TBCK: variants seen among roughly 807,000 people sequenced by gnomAD.
The protein encoded by TBCK is TBC1 domain containing kinase, also known as TBC domain-containing protein kinase-like protein.
Under a neutral mutation model 113.4 loss-of-function variants are expected in TBCK, and 99 were observed. That is an observed-to-expected ratio of 0.87 (90% CI 0.74 to 1.03). The LOEUF (loss-of-function observed/expected upper bound fraction) is 1.03. TBCK is among the 50% of genes least tolerant of loss of function. The pLI, the probability that TBCK is intolerant of heterozygous loss-of-function variation, is 0.00. For missense variants in TBCK, 1,045 were observed against 1,061.3 expected (o/e 0.98, Z 0.21); for synonymous variants, 369 against 370.8 (o/e 1.00, Z 0.05).
In TBCK at chr4:106,070,451, TTGTG is replaced by T. The variant is rs373470813; in HGVS notation, c.2572-23775_2572-23772del. On this transcript the variant is annotated intron_variant, in intron 25 of 25. Coordinates refer to ENST00000394708, the MANE Select transcript of TBCK (RefSeq NM_001163435.3). The stretch of plus-strand genomic sequence containing the variant: ...TATGTGATGGATTACGTTTATTGAT[TTGTG>T]TATGTTGAGCCAGCCTTCCATTGCA... 3.1e-4 allele frequency among the ~76,000 whole-genome samples: 47 copies of T among 152,282 alleles called. No individual in the cohort carries two copies. The East Asian group carries it at 6.9e-3, about 22-fold the overall frequency.
intron 12 of TBCK, among the ~76,000 whole-genome samples, chr4:106,237,905 T>C (rs1249596619): frequency 6.6e-6 from 1 of 152,102 alleles, no homozygotes; most frequent in African/African-American, 2.4e-5. Flanking sequence ...ATCTTGTCTG[T>C]CTTTTCTAAA....
chr4:106,138,611 T>G (rs542906125), intron 23 of TBCK, among the ~76,000 whole-genome samples: 3 of 141,624 alleles, frequency 2.1e-5, no homozygotes, highest in East Asian at 4.0e-4. Context: ...AGAACTCTAG[T>G]GTCACTGACT....
chr4:106,156,386 C>T (rs1749125205), intron 23 of TBCK, among the ~76,000 whole-genome samples: 1 of 152,196 alleles, frequency 6.6e-6, no homozygotes, highest in Non-Finnish European at 1.5e-5. Context: ...ATGGCTACTG[C>T]CTGTGTTCAC....
At chr4:106,305,187 T>C (rs1426716245) in intron 2 of TBCK, among the ~76,000 whole-genome samples, 3 of 152,328 alleles carry the variant, frequency 2.0e-5, no homozygotes, top group Admixed American at 6.5e-5. Flanking sequence ...TTTTCTTTCA[T>C]GTACTATATA....
rs1356480126 is a variant in TBCK, at chr4:106,194,704, G to A, written c.1897+14C>T. The stretch of plus-strand genomic sequence containing the variant: ...TAATACAATATCAAAAAAACCGGGG[G>A]AAGTCATACTTACGAGTAAACATGG... On this transcript the variant is annotated intron_variant, in intron 21 of 25. Transcript: ENST00000394708. The A allele has an allele frequency of 3.8e-6, 6 of 1,590,978 alleles. No individual in the cohort carries two copies. The East Asian group carries it at 1.4e-4, about 37-fold the overall frequency.
intron 3 of TBCK, among the ~76,000 whole-genome samples, chr4:106,286,997 TAAA>T (rs1468116768): frequency 2.0e-5 from 3 of 152,084 alleles, no homozygotes; most frequent in Non-Finnish European, 4.4e-5. Context: ...CTTTACCAAG[TAAA>T]AGAAGGACCA....
chr4:106,300,554 T>C (rs1560991154), intron 2 of TBCK, among the ~76,000 whole-genome samples: 2 of 152,302 alleles, frequency 1.3e-5, no homozygotes, highest in African/African-American at 4.8e-5. Context: ...TCAATAAGTG[T>C]TTATACAGTT....
At chr4:106,050,579 C>T (rs1734696608) in intron 25 of TBCK, among the ~76,000 whole-genome samples, 1 of 151,954 alleles carries the variant, frequency 6.6e-6, no homozygotes, top group Non-Finnish European at 1.5e-5. Flanking sequence ...AAGCAATATG[C>T]CTCTAAACAT....
At chr4:106,160,910 T>G (rs1201135150) in intron 23 of TBCK, among the ~76,000 whole-genome samples, 1 of 151,896 alleles carries the variant, frequency 6.6e-6, no homozygotes, top group Non-Finnish European at 1.5e-5. Context: ...GTGGTATATA[T>G]ACAAAATAGG....
intron 25 of TBCK, among the ~76,000 whole-genome samples, chr4:106,048,154 A>G (rs1018471597): frequency 2.6e-5 from 4 of 152,132 alleles, no homozygotes; most frequent in African/African-American, 9.7e-5. Flanking sequence ...AGATGATTCT[A>G]AAGCAGGTGG....
chr4:106,276,674 C>A (rs2037960155), intron 3 of TBCK, among the ~76,000 whole-genome samples: 2 of 152,248 alleles, frequency 1.3e-5, no homozygotes, highest in South Asian at 4.1e-4. Context: ...GGGTTGATCA[C>A]CTGAGGTCAA....
intron 24 of TBCK, among the ~76,000 whole-genome samples, chr4:106,102,082 C>T (rs1008928650): frequency 2.6e-5 from 4 of 152,242 alleles, no homozygotes; most frequent in Admixed American, 6.5e-5. Flanking sequence ...AACAAAAAAA[C>T]GTGATTTCAA....
intron 25 of TBCK, among the ~76,000 whole-genome samples, chr4:106,092,562 G>C (rs1009770423): frequency 2.0e-5 from 3 of 152,242 alleles, no homozygotes; most frequent in Non-Finnish European, 4.4e-5. Context: ...AGGCAGCTAA[G>C]GCCCGGTGAG....
intron 25 of TBCK, among the ~76,000 whole-genome samples, chr4:106,079,724 T>A (rs1382155444): frequency 6.6e-6 from 1 of 152,320 alleles, no homozygotes. Flanking sequence ...TGTTCTTGCA[T>A]TGTTATAAAT....
intron 22 of TBCK, among the ~76,000 whole-genome samples, chr4:106,178,556 G>A (rs1005133764): frequency 6.6e-6 from 1 of 151,862 alleles, no homozygotes. Context: ...TACTTTTCTA[G>A]TATCTATTGA....
intron 12 of TBCK, among the ~76,000 whole-genome samples, chr4:106,241,170 CAA>C (rs1225956634): frequency 6.6e-6 from 1 of 151,466 alleles, no homozygotes. Flanking sequence ...ATTCTATATA[CAA>C]GAGCAATAAT....
chr4:106,060,702 A>G (rs912434956), intron 25 of TBCK, among the ~76,000 whole-genome samples: 1 of 151,758 alleles, frequency 6.6e-6, no homozygotes, highest in African/African-American at 2.4e-5. Context: ...TAAGAAATAC[A>G]TTTTGTAAGG....
chr4:106,109,213 T>C (rs1448368079), intron 24 of TBCK, among the ~76,000 whole-genome samples: 3 of 152,024 alleles, frequency 2.0e-5, no homozygotes, highest in East Asian at 1.9e-4. Context: ...CAAAGCAATA[T>C]ACAGTTTCAA....
chr4:106,288,602 G>A lies in TBCK; in HGVS notation c.266+6492C>T, dbSNP rs6828909. Among the ~76,000 whole-genome samples, 847 of 152,190 alleles carry A rather than the reference G, an allele frequency of 5.6e-3. 10 individuals carry two copies. Among genetic ancestry groups the A allele is most frequent in the African/African-American group, 0.02 (817 of 41,518 alleles). ...ACCCCTTACTCTCTAACAGAATAAA[G>A]CACTGTTTTTCTATCACCGAAGATA... On this transcript the variant is annotated intron_variant, in intron 3 of 25. Coordinates refer to ENST00000394708, the MANE Select transcript of TBCK (RefSeq NM_001163435.3).
Sources: gnomAD v4.1 joint callset for allele counts (sites outside exome capture counted in the v4.1 genomes callset) on GRCh38, gnomAD v4.1.1 for gene constraint, MANE v1.5 for transcripts, NCBI Gene and HGNC (gene_info 2026-07-23, HGNC 2026-07-21) for gene names.